The following NDEL1 variants were observed in gnomAD, a reference collection of about 807,000 sequenced individuals.
NDEL1 encodes nudE neurodevelopment protein 1 like 1.
A neutral mutation model predicts 45.7 loss-of-function variants in NDEL1; 9 were observed. That is an observed-to-expected ratio of 0.20 (90% CI 0.12 to 0.34). The LOEUF is 0.34. NDEL1 is among the 10% of genes least tolerant of loss of function. The pLI is 1.00. For missense variants in NDEL1, 306 were observed against 406.2 expected, an observed-to-expected ratio of 0.75 and a Z score of 2.12; for synonymous variants, 133 against 158.6, an observed-to-expected ratio of 0.84 and a Z score of 1.21.
chr17:8,414,181 T>A (rs1010885243), intron 1 of NDEL1, among the ~76,000 whole-genome samples: 4 of 152,168 alleles, frequency 2.6e-5, no homozygotes, highest in Non-Finnish European at 5.9e-5. Flanking sequence ...ATTAAACCAG[T>A]CTCCTATTGG....
downstream of NDEL1, among the ~76,000 whole-genome samples, chr17:8,472,164 C>A (rs917534745): frequency 2.0e-5 from 3 of 152,204 alleles, no homozygotes; most frequent in African/African-American, 7.2e-5. Flanking sequence ...CAGCACCGGC[C>A]TCTGGGGAGA....
chr17:8,440,669 CAG>C lies in NDEL1; in HGVS notation c.-12-3590_-12-3589del, dbSNP rs540853562. ...AAGGCTATTTAAAAACCTGAGTTAT[CAG>C]GGGACACTCATGGAAAAGTTGGTGT... On this transcript the variant is annotated intron_variant, in intron 1 of 8. Coordinates refer to ENST00000334527, the MANE Select transcript of NDEL1 (RefSeq NM_030808.5). Among the ~76,000 whole-genome samples, 16 of 152,308 alleles carry C rather than the reference CAG, an allele frequency of 1.1e-4. No homozygotes were observed. In the East Asian group the frequency reaches 3.1e-3, roughly 29 times the overall value.
chr17:8,442,415 A>ATATTTATT (rs60431310), intron 1 of NDEL1, among the ~76,000 whole-genome samples: 1 of 151,408 alleles, frequency 6.6e-6, no homozygotes, highest in Non-Finnish European at 1.5e-5. Flanking sequence ...ATCAGTTCAC[A>ATATTTATT]TATTTATTTA....
intron 1 of NDEL1, among the ~76,000 whole-genome samples, chr17:8,443,111 C>T (rs1461568501): frequency 6.6e-6 from 1 of 152,196 alleles, no homozygotes; most frequent in Non-Finnish European, 1.5e-5. Context: ...GTCTTGAGTT[C>T]TTGCTGCCTA....
chr17:8,467,289 C>T lies in NDEL1; in HGVS notation c.*266C>T, dbSNP rs1362928580. 6 of 569,958 alleles carry T rather than the reference C, an allele frequency of 1.1e-5. No individual in the cohort carries two copies. Among genetic ancestry groups the T allele is most frequent in the Non-Finnish European group, 1.9e-5 (6 of 322,336 alleles). 35.3% of individuals were successfully genotyped at this position (569,958 alleles called of 1,614,324 possible). On this transcript the variant is annotated 3_prime_UTR_variant, in exon 9 of 9. Transcript: ENST00000334527. This position sits in a 1 kb window ranked among gnomAD's most constrained non-coding sequence, Gnocchi z 6.3. ...TTTGTGGGTCGCAAGGTGATACATACGTGTATTACTTGGTCACTGGATGCA... is the reference window on the plus strand; with the variant it reads ...TTTGTGGGTCGCAAGGTGATACATATGTGTATTACTTGGTCACTGGATGCA...
chr17:8,449,933 A>G (rs1910364629), intron 5 of NDEL1, among the ~76,000 whole-genome samples: 1 of 152,200 alleles, frequency 6.6e-6, no homozygotes, highest in South Asian at 2.1e-4. Context: ...AACACAAGCA[A>G]ATATTCTGTA....
chr17:8,425,844 A>G (rs1269091055), intron 1 of NDEL1, among the ~76,000 whole-genome samples: 1 of 151,778 alleles, frequency 6.6e-6, no homozygotes, highest in African/African-American at 2.4e-5. Context: ...CAGGCAACCA[A>G]CCCATGGTAC....
upstream of NDEL1, chr17:8,431,313 C>T (rs1276758172): frequency 6.6e-6 from 1 of 152,324 alleles, no homozygotes; most frequent in Non-Finnish European, 1.5e-5. Flanking sequence ...AGCCCCAGAG[C>T]CTGAACGAGC....
chr17:8,444,653 A>G (rs1909966011), intron 2 of NDEL1: 2 of 262,396 alleles, frequency 7.6e-6, no homozygotes, highest in South Asian at 4.5e-5. Flanking sequence ...CCCGTTTTGC[A>G]TGCACTGATT....
intron 1 of NDEL1, among the ~76,000 whole-genome samples, chr17:8,430,393 G>T (rs1234900663): frequency 8.5e-5 from 13 of 152,184 alleles, no homozygotes; most frequent in African/African-American, 3.1e-4. Flanking sequence ...GCCCCATCTC[G>T]TCAGAATTTC....
chr17:8,442,928 T>G (rs990760612), intron 1 of NDEL1, among the ~76,000 whole-genome samples: 1 of 152,144 alleles, frequency 6.6e-6, no homozygotes, highest in Admixed American at 6.5e-5. Flanking sequence ...TACAGGCGCC[T>G]GCCACCACGC....
At chr17:8,419,905 G>A (rs940394765) in intron 1 of NDEL1, among the ~76,000 whole-genome samples, 2 of 152,164 alleles carry the variant, frequency 1.3e-5, no homozygotes, top group East Asian at 1.9e-4. Context: ...ATGAAGGAGT[G>A]CAAGAAGGAA....
chr17:8,444,380 A>G (rs753671297), intron 2 of NDEL1, 23 bp downstream of exon 2: 1 of 1,529,384 alleles, frequency 6.5e-7, no homozygotes, highest in Non-Finnish European at 9.0e-7. Flanking sequence ...AGCACACTAA[A>G]AGTAGGGGAG....
intron 1 of NDEL1, among the ~76,000 whole-genome samples, chr17:8,426,681 G>A (rs1908841103): frequency 6.6e-6 from 1 of 152,266 alleles, no homozygotes; most frequent in East Asian, 1.9e-4. Context: ...CAGATCAGCA[G>A]GAAGTCCACA....
intron 1 of NDEL1, among the ~76,000 whole-genome samples, chr17:8,442,028 TCTTA>T (rs1909767649): frequency 6.6e-6 from 1 of 152,348 alleles, no homozygotes; most frequent in South Asian, 2.1e-4. Context: ...TACTGGGTTT[TCTTA>T]CTTGTCAGAT....
chr17:8,419,735 A>G (rs1012469393), intron 1 of NDEL1, among the ~76,000 whole-genome samples: 7 of 152,150 alleles, frequency 4.6e-5, no homozygotes, highest in African/African-American at 1.2e-4. Context: ...CATTATTACT[A>G]ATTCCAATTT....
chr17:8,452,282 T>C (rs1017903396), intron 6 of NDEL1, among the ~76,000 whole-genome samples: 1 of 152,242 alleles, frequency 6.6e-6, no homozygotes, highest in African/African-American at 2.4e-5. Flanking sequence ...AATCCTTTAA[T>C]TGAAGACGAA....
intron 8 of NDEL1, among the ~76,000 whole-genome samples, chr17:8,462,322 G>A (rs1911260499): frequency 2.0e-5 from 3 of 152,160 alleles, no homozygotes; most frequent in Admixed American, 6.5e-5. Flanking sequence ...TAAGTGGATT[G>A]TGTATGCGCA....
intron 4 of NDEL1, 139 bp downstream of exon 4, chr17:8,447,041 G>A (rs1461905001): frequency 2.5e-5 from 26 of 1,061,026 alleles, no homozygotes; most frequent in Admixed American, 2.8e-5. Flanking sequence ...CTCATCGGAC[G>A]GAAGGGAACC....
Sources: allele counts gnomAD v4.1 joint callset (sites outside exome capture counted in the v4.1 genomes callset), GRCh38; gene constraint gnomAD v4.1.1; non-coding constraint Gnocchi (gnomAD v3.1); transcripts MANE v1.5; gene names NCBI Gene and HGNC (gene_info 2026-07-23, HGNC 2026-07-21).